The following DIAPH3 variants were observed in gnomAD, a reference collection of about 807,000 sequenced individuals.
DIAPH3 encodes diaphanous related formin 3.
DIAPH3 carries 117 observed loss-of-function variants against 144.3 expected under a neutral mutation model. The observed-to-expected ratio is 0.81, with a 90% CI of 0.70 to 0.95. DIAPH3 has a LOEUF of 0.95. Ranked by LOEUF, DIAPH3 falls within the 40% of genes least tolerant of loss-of-function variation. DIAPH3 has a pLI of 0.00. For missense variants in DIAPH3, 1,421 were observed against 1,412.7 expected, an observed-to-expected ratio of 1.01 and a Z score of -0.09; for synonymous variants, 519 against 488.9, an observed-to-expected ratio of 1.06 and a Z score of -0.81.
intron 22 of DIAPH3, among the ~76,000 whole-genome samples, chr13:59,845,562 C>A (rs2042585107): frequency 6.6e-6 from 1 of 152,166 alleles, no homozygotes; most frequent in Non-Finnish European, 1.5e-5. Context: ...TACTTCATAT[C>A]CTGCCAAATA....
At chr13:59,858,597 CA>C (rs908695454) in intron 22 of DIAPH3, among the ~76,000 whole-genome samples, 4 of 151,052 alleles carry the variant, frequency 2.6e-5, no homozygotes, top group East Asian at 1.9e-4. Context: ...TACTCACCAA[CA>C]AAAAAAAGTA....
At chr13:59,825,687 C>T (rs1030945123) in intron 24 of DIAPH3, among the ~76,000 whole-genome samples, 1 of 152,134 alleles carries the variant, frequency 6.6e-6, no homozygotes, top group African/African-American at 2.4e-5. Flanking sequence ...CCACATCCTC[C>T]CCAGCACCTT....
intron 27 of DIAPH3, among the ~76,000 whole-genome samples, chr13:59,746,390 A>T (rs1411832366): frequency 1.4e-5 from 2 of 145,516 alleles, no homozygotes; most frequent in Non-Finnish European, 3.0e-5. Context: ...TACCCAGCTA[A>T]TTTTTTTTTT....
At chr13:60,076,194 C>T (rs1566742879) in intron 4 of DIAPH3, among the ~76,000 whole-genome samples, 1 of 152,182 alleles carries the variant, frequency 6.6e-6, no homozygotes, top group Non-Finnish European at 1.5e-5. Context: ...AGTAAGTTTC[C>T]AATCTGGGTC....
chr13:59,673,770 A>T (rs1015061008), intron 27 of DIAPH3, among the ~76,000 whole-genome samples: 2 of 152,182 alleles, frequency 1.3e-5, no homozygotes, highest in Admixed American at 6.5e-5. Context: ...GTGCAAACTC[A>T]AGACACTGAT....
At chr13:60,072,179 C>T (rs149088664) in intron 4 of DIAPH3, among the ~76,000 whole-genome samples, 2 of 152,316 alleles carry the variant, frequency 1.3e-5, no homozygotes, top group Non-Finnish European at 2.9e-5. Flanking sequence ...ATCTGCCAAT[C>T]TCCTGAAGCA....
In DIAPH3 at chr13:59,774,222, A is replaced by T; in HGVS notation, c.3286T>A (p.Ser1096Thr). 6.2e-7 allele frequency: 1 copy of T among 1,613,456 alleles called. No homozygotes were observed. The highest frequency in any genetic ancestry group is 8.5e-7 in the Non-Finnish European group (1 of 1,179,724). The change falls in exon 27 of 28, where the codon TCT becomes ACT. Residue 1096 changes from serine (S) to threonine (T), a missense_variant. Ser to Thr is a moderately conservative substitution (Grantham distance 58). Coordinates refer to ENST00000400324, the MANE Select transcript of DIAPH3 (RefSeq NM_001042517.2). ...KDVRQSLSPM[S>T]QRPVLKVCNH... ...CAAACTTTCAGAACAGGCCTCTGAG[A>T]CATTGGACTGAGACTCTGCCGAACA...
chr13:60,086,131 A>G (rs1196106773), intron 4 of DIAPH3, among the ~76,000 whole-genome samples: 2 of 152,186 alleles, frequency 1.3e-5, no homozygotes, highest in African/African-American at 4.8e-5. Context: ...GACCAAAAGT[A>G]TACAATTCTA....
At chr13:59,785,403 TC>T (rs1490256700) in intron 25 of DIAPH3, among the ~76,000 whole-genome samples, 1 of 152,152 alleles carries the variant, frequency 6.6e-6, no homozygotes, top group African/African-American at 2.4e-5. Flanking sequence ...AGAGTGAAAC[TC>T]CTGGACTTGA....
intron 27 of DIAPH3, among the ~76,000 whole-genome samples, chr13:59,699,786 A>G (rs926083894): frequency 6.6e-6 from 1 of 152,042 alleles, no homozygotes; most frequent in Admixed American, 6.6e-5. Flanking sequence ...AAGAGCTATT[A>G]TTTTTCTTCC....
intron 27 of DIAPH3, among the ~76,000 whole-genome samples, chr13:59,754,453 C>G (rs1166892086): frequency 6.6e-6 from 1 of 152,150 alleles, no homozygotes; most frequent in African/African-American, 2.4e-5. Flanking sequence ...CCACTCCTCT[C>G]ACCTCTTATG....
chr13:59,897,390 T>C (rs2046167462), intron 20 of DIAPH3, among the ~76,000 whole-genome samples: 2 of 152,296 alleles, frequency 1.3e-5, no homozygotes, highest in Middle Eastern at 3.4e-3. Context: ...ACATAAAACA[T>C]GCTAAAGAAT....
chr13:60,036,936 A>G (rs2055273782), intron 5 of DIAPH3, among the ~76,000 whole-genome samples: 1 of 152,176 alleles, frequency 6.6e-6, no homozygotes, highest in South Asian at 2.1e-4. Context: ...ATTTTCACAG[A>G]AAGATACCCA....
intron 27 of DIAPH3, among the ~76,000 whole-genome samples, chr13:59,716,692 A>T (rs2138872389): frequency 6.6e-6 from 1 of 152,296 alleles, no homozygotes; most frequent in African/African-American, 2.4e-5. Context: ...AATAACTCAA[A>T]AAAAGATCAC....
intron 20 of DIAPH3, among the ~76,000 whole-genome samples, chr13:59,880,694 TAAAG>T (rs577759109): frequency 1.8e-4 from 28 of 152,154 alleles, no homozygotes; most frequent in Non-Finnish European, 3.8e-4. Flanking sequence ...AATTGAGCAA[TAAAG>T]AATTAGTTCT....
chr13:59,845,416 C>T (rs540341296), intron 22 of DIAPH3, among the ~76,000 whole-genome samples: 3 of 152,252 alleles, frequency 2.0e-5, no homozygotes, highest in South Asian at 2.1e-4. Flanking sequence ...TTTTCTCCAG[C>T]GTCATTTTCA....
At chr13:60,039,777 CT>C (rs959185204) in intron 5 of DIAPH3, among the ~76,000 whole-genome samples, 1 of 151,998 alleles carries the variant, frequency 6.6e-6, no homozygotes, top group Non-Finnish European at 1.5e-5. Flanking sequence ...ATTAGAAATT[CT>C]TTTTAGTCAC....
At chr13:59,704,932 AT>A (rs547653785) in intron 27 of DIAPH3, among the ~76,000 whole-genome samples, 1 of 152,094 alleles carries the variant, frequency 6.6e-6, no homozygotes, top group African/African-American at 2.4e-5. Context: ...GGGTTTGACT[AT>A]TTTTTTCACA....
chr13:59,921,283 AAAAG>A (rs1487290626), intron 18 of DIAPH3, among the ~76,000 whole-genome samples: 2 of 151,278 alleles, frequency 1.3e-5, no homozygotes, highest in East Asian at 3.9e-4. Context: ...CCAAAAAAAA[AAAAG>A]AAAGAAAAAA....
Sources: allele counts gnomAD v4.1 joint callset (sites outside exome capture counted in the v4.1 genomes callset), GRCh38; gene constraint gnomAD v4.1.1; transcripts MANE v1.5; gene names NCBI Gene and HGNC (gene_info 2026-07-23, HGNC 2026-07-21).